The following NCR1 variants were observed in gnomAD, a reference collection of about 807,000 sequenced individuals.
NCR1 encodes natural cytotoxicity triggering receptor 1, also known as NK cell-activating receptor.
Under a neutral mutation model 32.5 loss-of-function variants are expected in NCR1, and 30 were observed. The ratio of observed to expected loss-of-function variants is 0.92; its 90% CI spans 0.69 to 1.25. NCR1 has a LOEUF of 1.25. Among genes scored for constraint, NCR1 ranks in the 50% most tolerant of loss-of-function variants. The pLI is 0.00. For missense variants in NCR1, 369 were observed against 380.7 expected, an observed-to-expected ratio of 0.97 and a Z score of 0.26; for synonymous variants, 169 against 143.4, an observed-to-expected ratio of 1.18 and a Z score of -1.28.
Position 54,912,183 on chromosome 19 carries a change from C to T in NCR1, c.698C>T (p.Thr233Ile), listed in dbSNP as rs1427551512. 6.8e-6 allele frequency: 11 copies of T among 1,613,806 alleles called. No homozygotes were observed. In the East Asian group the frequency reaches 2.5e-4, roughly 36 times the overall value. ...DPTFPADTWG[T>I]YLLTTETGLQ... ...TTATCATCAGCAGACACTTGGGGCA[C>T]CTACCTTTTAACCACAGAGACGGGA... is the stretch of plus-strand genomic sequence containing the variant. Residue 233 changes from threonine (T) to isoleucine (I), a missense_variant, in exon 6 of 7, where the codon ACC becomes ATC. Physicochemically the swap from Thr to Ile is moderately conservative, Grantham distance 89 (BLOSUM62 -1). Coordinates refer to ENST00000291890, the MANE Select transcript of NCR1 (RefSeq NM_004829.7).
Position 54,912,219 on chromosome 19 carries a change from G to A in NCR1, c.733+1G>A, listed in dbSNP as rs1352603649. 1 of 1,613,648 alleles carries A rather than the reference G, an allele frequency of 6.2e-7. No homozygotes were observed. The highest frequency in any genetic ancestry group is 1.3e-5 in the African/African-American group (1 of 74,870). Reference sequence around the variant, plus strand: ...ACCACAGAGACGGGACTCCAGAAAGGTAAGTAGACAGCTGGGGCCATAGGC... The same window carrying A: ...ACCACAGAGACGGGACTCCAGAAAGATAAGTAGACAGCTGGGGCCATAGGC... On this transcript the variant is annotated splice_donor_variant, in intron 6 of 6. Transcript: ENST00000291890. LOFTEE classifies it high-confidence loss of function.
At chr19:54,911,468 C>T (rs1348146295) in intron 5 of NCR1, among the ~76,000 whole-genome samples, 2 of 151,574 alleles carry the variant, frequency 1.3e-5, no homozygotes, top group Admixed American at 6.6e-5. Context: ...AAATAGAAGA[C>T]GGGCTGGGCC....
the NCR1 span, chr19:54,937,982 CA>C: frequency 8.6e-7 from 1 of 1,158,902 alleles, no homozygotes; most frequent in African/African-American, 1.6e-5. Context: ...ATTTAAAAAA[CA>C]AAAGTACAAG....
upstream of NCR1, among the ~76,000 whole-genome samples, chr19:54,903,953 C>T (rs115888487): frequency 6.6e-6 from 1 of 151,028 alleles, no homozygotes; most frequent in Non-Finnish European, 1.5e-5. Context: ...TGGTAAAAAC[C>T]GGTCTCTACT....
the NCR1 span, among the ~76,000 whole-genome samples, chr19:54,924,728 G>C: frequency 6.6e-6 from 1 of 152,028 alleles, no homozygotes; most frequent in South Asian, 2.1e-4. Context: ...CTGAGGTCAG[G>C]AATTCGAGAC....
chr19:54,900,222 T>C, the NCR1 span, among the ~76,000 whole-genome samples: 1 of 152,116 alleles, frequency 6.6e-6, no homozygotes, highest in Admixed American at 6.5e-5. Context: ...CAAACAGGAT[T>C]TGTGTGAGCA....
At chr19:54,916,317 C>CTTTTTTTTTTTTTTTTTTTTTTT (rs71181711), downstream of NCR1, among the ~76,000 whole-genome samples, 136 of 87,096 alleles carry the variant, frequency 1.6e-3, 9 homozygotes, top group Non-Finnish European at 2.4e-3. Context: ...GAATATTGTG[C>CTTTTTTTTTTTTTTTTTTTTTTT]TTTTTTTTTT....
chr19:54,912,788 C>T lies in NCR1; in HGVS notation c.832C>T (p.Leu278Phe), dbSNP rs1169577838. ...ALVWFLVEDW[L>F]SRKRTRERAS... is the part of the protein sequence containing the mutation. ...AGTGTGGTTCCTGGTTGAAGACTGG[C>T]TCAGCAGGAAGAGGACTAGAGAGCG... Residue 278 changes from leucine (L) to phenylalanine (F), a missense_variant, in exon 7 of 7, where the codon CTC becomes TTC. Coordinates refer to ENST00000291890, the MANE Select transcript of NCR1 (RefSeq NM_004829.7). The T allele has an allele frequency of 6.2e-7, 1 of 1,614,010 alleles. No homozygotes were observed. The highest frequency in any genetic ancestry group is 1.7e-5 in the Admixed American group (1 of 59,970).
At chr19:54,910,348 G>T (rs587640220) in intron 5 of NCR1, among the ~76,000 whole-genome samples, 2 of 152,106 alleles carry the variant, frequency 1.3e-5, no homozygotes, top group African/African-American at 4.8e-5. Context: ...AAGGTGGTTG[G>T]ATCACAAGGT....
chr19:54,902,967 T>C (rs1355472766), upstream of NCR1, among the ~76,000 whole-genome samples: 1 of 151,236 alleles, frequency 6.6e-6, no homozygotes, highest in Non-Finnish European at 1.5e-5. Context: ...CTGTCTCTAC[T>C]AAAAATACAA....
upstream of NCR1, among the ~76,000 whole-genome samples, chr19:54,904,136 AAAAAAAAGAAAG>A (rs1371996488): frequency 5.6e-5 from 8 of 142,054 alleles, no homozygotes; most frequent in South Asian, 8.5e-4. Flanking sequence ...AAAAAAAAAA[AAAAAAAAGAAAG>A]AAAAAGAAAA....
chr19:54,917,315 AAAAAAC>A (rs200282709), downstream of NCR1, among the ~76,000 whole-genome samples: 1,860 of 150,358 alleles, frequency 0.012, 44 homozygotes, highest in African/African-American at 0.043. Flanking sequence ...ACTCCTCAAA[AAAAAAC>A]AAAAACAAAA....
chr19:54,921,500 A>G, the NCR1 span, among the ~76,000 whole-genome samples: 11 of 152,048 alleles, frequency 7.2e-5, no homozygotes, highest in Non-Finnish European at 1.3e-4. Flanking sequence ...GGCCAGGCAC[A>G]GTGGCTCACG....
At chr19:54,934,488 C>A in the NCR1 span, 2 of 1,613,898 alleles carry the variant, frequency 1.2e-6, no homozygotes, top group Admixed American at 3.3e-5. The surrounding 1 kb of genome is among the most constrained non-coding windows in gnomAD (Gnocchi z 6.7). Flanking sequence ...AGGAGACTTA[C>A]GACAACATCT....
chr19:54,902,645 T>C (rs2067320230), upstream of NCR1, among the ~76,000 whole-genome samples: 1 of 152,126 alleles, frequency 6.6e-6, no homozygotes, highest in African/African-American at 2.4e-5. Context: ...ACAATATTCT[T>C]ATATTTCTTT....
downstream of NCR1, among the ~76,000 whole-genome samples, chr19:54,919,678 G>A (rs1319798023): frequency 6.6e-6 from 1 of 150,410 alleles, no homozygotes; most frequent in Non-Finnish European, 1.5e-5. Context: ...AGGTGGAGGA[G>A]CAGAGTCTTC....
At chr19:54,938,082 G>C in the NCR1 span, 4 of 1,614,044 alleles carry the variant, frequency 2.5e-6, no homozygotes, top group Non-Finnish European at 2.5e-6. Flanking sequence ...GGGTTACGTG[G>C]TCACAAAGAA....
chr19:54,906,551 C>A lies in NCR1; in HGVS notation c.99C>A (p.Ala33=). 1.2e-6 allele frequency: 2 copies of A among 1,610,944 alleles called. No homozygotes were observed. Among genetic ancestry groups the A allele is most frequent in the South Asian group, 2.2e-5 (2 of 91,090 alleles). ...CTCTCCCAAAACCGTTCATCTGGGC[C>A]GAGCCCCATTTCATGGTTCCAAAGG... is the stretch of plus-strand genomic sequence containing the variant. ...QQTLPKPFIW[A]EPHFMVPKEK... Residue 33 remains alanine (A), a synonymous_variant, in exon 3 of 7, where the codon GCC becomes GCA. Coordinates refer to ENST00000291890, the MANE Select transcript of NCR1 (RefSeq NM_004829.7).
At chr19:54,934,406 T>TG in the NCR1 span, 2 of 1,366,688 alleles carry the variant, frequency 1.5e-6, no homozygotes, top group Non-Finnish European at 1.0e-6. This position sits in a 1 kb window ranked among gnomAD's most constrained non-coding sequence, Gnocchi z 6.7. Flanking sequence ...GCCACGTGGG[T>TG]GGCGCAGTAA....
Sources: allele counts gnomAD v4.1 joint callset (sites outside exome capture counted in the v4.1 genomes callset), GRCh38; gene constraint gnomAD v4.1.1; non-coding constraint Gnocchi (gnomAD v3.1); transcripts MANE v1.5; gene names NCBI Gene and HGNC (gene_info 2026-07-23, HGNC 2026-07-21).